The following GRAMD4 variants were observed in gnomAD, a reference collection of about 807,000 sequenced individuals.
GRAMD4 encodes the protein GRAM domain containing 4, also known as GRAM domain-containing protein 4.
A neutral mutation model predicts 83.9 loss-of-function variants in GRAMD4; 25 were observed. The ratio of observed to expected loss-of-function variants is 0.30; its 90% CI spans 0.22 to 0.42. GRAMD4 has a LOEUF of 0.42. GRAMD4 is among the 10% of genes least tolerant of loss of function. The pLI is 1.00. For missense variants in GRAMD4, 593 were observed against 788.7 expected (o/e 0.75, Z 2.97); for synonymous variants, 336 against 320.9 (o/e 1.05, Z -0.50).
chr22:46,679,702 T>C lies in GRAMD4; in HGVS notation c.*2451T>C. The C allele has an allele frequency of 3.1e-6, 3 of 975,478 alleles. No individual in the cohort carries two copies. The highest frequency in any genetic ancestry group is 5.3e-4 in the Middle Eastern group (1 of 1,882). The allele number at this position is 975,478 out of a possible 1,614,324, so 60.4% of individuals were successfully genotyped here. A position where few individuals can be genotyped will look rare whatever the true frequency, so the allele number is the denominator to read the frequency against. On this transcript the variant is annotated 3_prime_UTR_variant, in exon 19 of 19. Transcript: ENST00000406902. ...AAAAAAATTCTCCTGTAACATTTTT[T>C]TAAGAAAACTTTGTTTGTTTAAAGA...
upstream of GRAMD4, among the ~76,000 whole-genome samples, chr22:46,615,977 C>G (rs1236004753): frequency 7.8e-6 from 1 of 128,854 alleles, no homozygotes; most frequent in African/African-American, 3.1e-5. Context: ...TGTGTAGGTT[C>G]CCCTGTGCTT....
chr22:46,639,048 TAGTG>T (rs1476563411), intron 3 of GRAMD4, among the ~76,000 whole-genome samples: 2 of 152,220 alleles, frequency 1.3e-5, no homozygotes, highest in African/African-American at 2.4e-5. Flanking sequence ...CAGAGCGTGA[TAGTG>T]AGCCTGTGTA....
intron 2 of GRAMD4, among the ~76,000 whole-genome samples, chr22:46,630,127 C>T (rs533307489): frequency 7.8e-4 from 119 of 151,930 alleles, no homozygotes; most frequent in African/African-American, 2.8e-3. Context: ...CAGGTTCAAG[C>T]GATTCTCGTG....
chr22:46,596,828 G>C (rs932715655), intron 1 of GRAMD4, among the ~76,000 whole-genome samples: 3 of 152,220 alleles, frequency 2.0e-5, no homozygotes, highest in Admixed American at 6.5e-5. Flanking sequence ...TGCAATTACA[G>C]GTGTGAGCCA....
chr22:46,604,357 G>A (rs2081344813), intron 1 of GRAMD4, among the ~76,000 whole-genome samples: 1 of 152,170 alleles, frequency 6.6e-6, no homozygotes, highest in African/African-American at 2.4e-5. Flanking sequence ...AGGGAGGATC[G>A]GTTTTCTCTC....
chr22:46,678,469 G>A lies in GRAMD4; in HGVS notation c.*1218G>A. ...GGTGGCATTTGTGGAGGGAGCGCCC[G>A]CAGGCCTGGTCTGCTGGGGCCGCCT... On this transcript the variant is annotated 3_prime_UTR_variant, in exon 19 of 19. Transcript: ENST00000406902. 7 of 985,236 alleles carry A rather than the reference G, an allele frequency of 7.1e-6. No individual in the cohort carries two copies. Among genetic ancestry groups the A allele is most frequent in the Non-Finnish European group, 8.4e-6 (7 of 829,928 alleles). The allele number at this position is 985,236 out of a possible 1,614,324, so 61.0% of individuals were successfully genotyped here.
At chr22:46,653,195 C>T (rs2082193001) in intron 3 of GRAMD4, among the ~76,000 whole-genome samples, 1 of 152,268 alleles carries the variant, frequency 6.6e-6, no homozygotes, top group South Asian at 2.1e-4. Context: ...GCCACGCTGT[C>T]CGAGGAGCCC....
At chr22:46,591,570 C>A (rs1377888854) in intron 1 of GRAMD4, among the ~76,000 whole-genome samples, 2 of 152,024 alleles carry the variant, frequency 1.3e-5, no homozygotes, top group Non-Finnish European at 2.9e-5. Flanking sequence ...CACGGTGCCT[C>A]ACGCCTGTAA....
chr22:46,663,015 C>G (rs2082351934), intron 5 of GRAMD4, 25 bp from the exon 6 acceptor site: 2 of 1,584,890 alleles, frequency 1.3e-6, no homozygotes, highest in South Asian at 2.3e-5. Flanking sequence ...CTGCCGTGCC[C>G]TCACCGGGTC....
At position 46,675,441 on chromosome 22, in the gene GRAMD4, C is replaced by T. The variant is rs374046668; in HGVS notation, c.1479-27C>T. The T allele has an allele frequency of 1.7e-5, 26 of 1,542,766 alleles. No individual in the cohort carries two copies. The African/African-American group carries it at 1.9e-4, about 11-fold the overall frequency. On this transcript the variant is annotated intron_variant, in intron 16 of 18. Coordinates refer to ENST00000406902, the MANE Select transcript of GRAMD4 (RefSeq NM_015124.5). Reference sequence around the variant, plus strand: ...AGCGTGCTCTGGTTCAAGAGCCAGGCGACGCCTCTGTCCGTTCCCCTTCCA... The same window carrying T: ...AGCGTGCTCTGGTTCAAGAGCCAGGTGACGCCTCTGTCCGTTCCCCTTCCA...
chr22:46,584,369 C>T (rs1310843362), intron 1 of GRAMD4, among the ~76,000 whole-genome samples: 1 of 152,152 alleles, frequency 6.6e-6, no homozygotes, highest in Non-Finnish European at 1.5e-5. Flanking sequence ...CACATATGTA[C>T]GTGTCTCTGC....
intron 2 of GRAMD4, among the ~76,000 whole-genome samples, chr22:46,629,093 C>T (rs896139673): frequency 6.6e-6 from 1 of 151,910 alleles, no homozygotes; most frequent in East Asian, 1.9e-4. Context: ...TGAGGGGCTG[C>T]GGGGGGAAAC....
In GRAMD4 at chr22:46,679,220, G is replaced by T. The variant is rs913857680; in HGVS notation, c.*1969G>T. ...ATGAGCGCCTCTTCCTAGGTGCTGGGATTCAGTCCCCAAACACAGCGGGAG... is the reference window on the plus strand; with the variant it reads ...ATGAGCGCCTCTTCCTAGGTGCTGGTATTCAGTCCCCAAACACAGCGGGAG... On this transcript the variant is annotated 3_prime_UTR_variant, in exon 19 of 19. Transcript: ENST00000406902. 1.5e-4 allele frequency: 146 copies of T among 985,434 alleles called. No individual in the cohort carries two copies. The highest frequency in any genetic ancestry group is 1.7e-4 in the Non-Finnish European group (138 of 829,998). The allele number at this position is 985,434 out of a possible 1,614,324, so 61.0% of individuals were successfully genotyped here. A position where few individuals can be genotyped will look rare whatever the true frequency, so the allele number is the denominator to read the frequency against.
chr22:46,669,443 GC>G (rs34644325), intron 13 of GRAMD4, among the ~76,000 whole-genome samples: 17,244 of 152,066 alleles, frequency 0.11, 1,408 homozygotes, highest in African/African-American at 0.23. Flanking sequence ...GGGTGTGGTG[GC>G]CCCCCCTCAC....
chr22:46,615,771 G>A (rs369226635), upstream of GRAMD4, among the ~76,000 whole-genome samples: 136 of 7,218 alleles, frequency 0.019, 53 homozygotes, highest in East Asian at 0.5. Flanking sequence ...CCCTTGTGTA[G>A]GTTCCCCTGT....
In GRAMD4 at chr22:46,668,181, C is replaced by T. The variant is rs376967263; in HGVS notation, c.930+14C>T. 18 of 1,598,070 alleles carry T rather than the reference C, an allele frequency of 1.1e-5. No homozygotes were observed. Among genetic ancestry groups the T allele is most frequent in the South Asian group, 2.2e-5 (2 of 90,724 alleles). On this transcript the variant is annotated intron_variant, in intron 11 of 18. Transcript: ENST00000406902. ...CAGAAAGCCCAGGTACTGCCACGGG[C>T]GCCGGCCAGGGGTGTGTCTGCGCCA...
chr22:46,653,245 G>A (rs1352094815), intron 3 of GRAMD4, among the ~76,000 whole-genome samples: 3 of 152,234 alleles, frequency 2.0e-5, no homozygotes, highest in Admixed American at 6.5e-5. Flanking sequence ...CCGCTGCCCC[G>A]GGAGCCAGGC....
At chr22:46,607,005 G>A (rs572534349) in intron 1 of GRAMD4, among the ~76,000 whole-genome samples, 2 of 152,338 alleles carry the variant, frequency 1.3e-5, no homozygotes, top group Admixed American at 1.3e-4. Context: ...GGCACTGGAA[G>A]CAGGCCAGAG....
intron 1 of GRAMD4, among the ~76,000 whole-genome samples, chr22:46,592,747 C>T (rs995583129): frequency 2.0e-5 from 3 of 152,124 alleles, no homozygotes; most frequent in African/African-American, 2.4e-5. Context: ...TGGCTGACAC[C>T]GCGCCCGGCA....
Sources: allele counts gnomAD v4.1 joint callset (sites outside exome capture counted in the v4.1 genomes callset), GRCh38; gene constraint gnomAD v4.1.1; transcripts MANE v1.5; gene names NCBI Gene and HGNC (gene_info 2026-07-23, HGNC 2026-07-21).